The following ANKRD30B variants were observed in gnomAD, a reference collection of about 807,000 sequenced individuals.
ANKRD30B encodes ankyrin repeat domain 30B, also known as ankyrin repeat domain-containing protein 30B.
In ANKRD30B, 144 loss-of-function variants were observed where a neutral mutation model predicts 202.2. The ratio of observed to expected loss-of-function variants is 0.71; its 90% CI spans 0.62 to 0.82. The LOEUF (loss-of-function observed/expected upper bound fraction) is 0.82. ANKRD30B is among the 40% of genes least tolerant of loss of function. The pLI is 0.00. For synonymous variants in ANKRD30B, 508 were observed against 561.3 expected (o/e 0.91, Z 1.34); for missense variants, 1,487 against 1,669.1 (o/e 0.89, Z 1.90).
chr18:14,810,760 G>C (rs919574933), intron 28 of ANKRD30B, among the ~76,000 whole-genome samples: 2 of 150,944 alleles, frequency 1.3e-5, no homozygotes, highest in African/African-American at 4.9e-5. Context: ...GTAATTAATT[G>C]CCTAGAGGTA....
At chr18:14,780,581 A>G (rs1386866724) in intron 11 of ANKRD30B, among the ~76,000 whole-genome samples, 1 of 152,252 alleles carries the variant, frequency 6.6e-6, no homozygotes, top group Non-Finnish European at 1.5e-5. Context: ...TTCACCAGTA[A>G]TTCACAAGTT....
At chr18:14,875,032 G>T in the ANKRD30B span, among the ~76,000 whole-genome samples, 1 of 152,134 alleles carries the variant, frequency 6.6e-6, no homozygotes, top group Non-Finnish European at 1.5e-5. Flanking sequence ...ACTTGAACCC[G>T]CAGCCAGGGG....
At position 14,757,801 on chromosome 18, in the gene ANKRD30B, CTT is replaced by C; in HGVS notation, c.618-12_618-11del. The stretch of plus-strand genomic sequence containing the variant: ...TGATTCTGCTCATAATAAGTTATCT[CTT>C]TGTTATTTTAGCACAGCCCTCATGC... On this transcript the variant is annotated splice_polypyrimidine_tract_variant and intron_variant, in intron 4 of 43. Transcript: ENST00000690538. The C allele has an allele frequency of 6.2e-7, 1 of 1,609,378 alleles. No individual in the cohort carries two copies. The highest frequency in any genetic ancestry group is 8.5e-7 in the Non-Finnish European group (1 of 1,178,436).
intron 30 of ANKRD30B, 69 bp from the exon 31 acceptor site, chr18:14,822,414 C>G: frequency 1.1e-6 from 1 of 894,382 alleles, no homozygotes; most frequent in African/African-American, 1.6e-5. Flanking sequence ...CATATTCACA[C>G]TGCATGAATG....
At chr18:14,894,959 T>C in the ANKRD30B span, among the ~76,000 whole-genome samples, 3 of 151,664 alleles carry the variant, frequency 2.0e-5, no homozygotes, top group Non-Finnish European at 4.4e-5. Context: ...GATGAAAAGA[T>C]GCTCAATATC....
At chr18:14,832,429 T>C (rs1181662655) in intron 34 of ANKRD30B, among the ~76,000 whole-genome samples, 1 of 152,222 alleles carries the variant, frequency 6.6e-6, no homozygotes, top group Non-Finnish European at 1.5e-5. Flanking sequence ...ATTGCAGTTT[T>C]TAAACATATT....
the ANKRD30B span, among the ~76,000 whole-genome samples, chr18:14,916,787 G>A: frequency 0.53 from 79,833 of 152,004 alleles, 21,290 homozygotes; most frequent in African/African-American, 0.6. Flanking sequence ...TTTTATTGCC[G>A]ACCCTGGGTG....
the ANKRD30B span, among the ~76,000 whole-genome samples, chr18:14,887,253 T>C: frequency 6.6e-6 from 1 of 152,086 alleles, no homozygotes; most frequent in Admixed American, 6.6e-5. Flanking sequence ...TCAGGGCCCC[T>C]TATTCCTAAC....
At position 14,822,568 on chromosome 18, in the gene ANKRD30B, A is replaced by G. The variant is rs535482356; in HGVS notation, c.2671-37A>G. The stretch of plus-strand genomic sequence containing the variant: ...TAACTACTTATTTTATGAAGTATAC[A>G]TTATATAGTAATTATTGTGTTTCCA... On this transcript the variant is annotated intron_variant, in intron 31 of 43. Coordinates refer to ENST00000690538, the MANE Select transcript of ANKRD30B (RefSeq NM_001367607.2). 3.3e-5 allele frequency: 34 copies of G among 1,044,654 alleles called. No individual in the cohort carries two copies. The African/African-American group carries it at 5.1e-4, about 16-fold the overall frequency. The allele number at this position is 1,044,654 out of a possible 1,614,324, so 64.7% of individuals were successfully genotyped here.
At chr18:14,895,196 G>A in the ANKRD30B span, among the ~76,000 whole-genome samples, 1 of 149,788 alleles carries the variant, frequency 6.7e-6, no homozygotes, top group African/African-American at 2.5e-5. Flanking sequence ...CAGTACCTGG[G>A]TGATGGGAGC....
chr18:14,787,871 A>AT (rs1968186638), intron 15 of ANKRD30B, among the ~76,000 whole-genome samples: 1 of 152,118 alleles, frequency 6.6e-6, no homozygotes, highest in Non-Finnish European at 1.5e-5. Flanking sequence ...AGAGAGGTAG[A>AT]TTTTATCTGA....
intron 32 of ANKRD30B, among the ~76,000 whole-genome samples, chr18:14,823,500 G>A (rs761428715): frequency 9.2e-5 from 14 of 151,758 alleles, no homozygotes; most frequent in Admixed American, 8.5e-4. Flanking sequence ...GTGTGTGTGC[G>A]TGTGTGACTT....
the ANKRD30B span, among the ~76,000 whole-genome samples, chr18:14,908,015 A>G: frequency 6.6e-6 from 1 of 152,238 alleles, no homozygotes; most frequent in Non-Finnish European, 1.5e-5. Context: ...CGCAGGAGTC[A>G]TATAAAATGG....
At chr18:14,791,612 G>A (rs1157458745) in intron 16 of ANKRD30B, 121 bp downstream of exon 16, 2 of 742,616 alleles carry the variant, frequency 2.7e-6, no homozygotes, top group Non-Finnish European at 4.3e-6. Context: ...AGAAAAAAGA[G>A]AAGTGAAACG....
the ANKRD30B span, among the ~76,000 whole-genome samples, chr18:14,917,759 C>G: frequency 6.6e-6 from 1 of 152,220 alleles, no homozygotes; most frequent in Admixed American, 6.5e-5. Context: ...CTGCTCTTCA[C>G]AGTTCTGCCA....
the ANKRD30B span, chr18:14,915,767 T>C: frequency 4.6e-5 from 7 of 152,344 alleles, no homozygotes; most frequent in Non-Finnish European, 2.9e-5. Context: ...CAAGCACATA[T>C]ACTTCAAAAT....
At chr18:14,925,355 G>A in the ANKRD30B span, among the ~76,000 whole-genome samples, 6 of 152,264 alleles carry the variant, frequency 3.9e-5, no homozygotes, top group Admixed American at 2.0e-4. Flanking sequence ...ACTTCCCATT[G>A]GGGGTTCTTT....
At chr18:14,925,933 G>T in the ANKRD30B span, among the ~76,000 whole-genome samples, 1 of 152,204 alleles carries the variant, frequency 6.6e-6, no homozygotes, top group African/African-American at 2.4e-5. Flanking sequence ...GGGGGCGTTT[G>T]CACCCACCTG....
intron 9 of ANKRD30B, among the ~76,000 whole-genome samples, chr18:14,772,776 C>T (rs1253126491): frequency 7.3e-6 from 1 of 137,442 alleles, no homozygotes; most frequent in East Asian, 2.2e-4. Flanking sequence ...AGCTTTTTCT[C>T]AGTTTCTCTT....
Sources: allele counts gnomAD v4.1 joint callset (sites outside exome capture counted in the v4.1 genomes callset), GRCh38; gene constraint gnomAD v4.1.1; transcripts MANE v1.5; gene names NCBI Gene and HGNC (gene_info 2026-07-23, HGNC 2026-07-21).